Variants in PTPRO observed in about 807,000 individuals in gnomAD.
The protein encoded by PTPRO is receptor-type tyrosine-protein phosphatase O.
PTPRO carries 62 observed loss-of-function variants against 145.2 expected under a neutral mutation model. The observed-to-expected ratio is 0.43, with a 90% CI of 0.35 to 0.53. The LOEUF (loss-of-function observed/expected upper bound fraction) is 0.53, where lower values mean the gene tolerates loss of function less well. PTPRO is among the 20% of genes least tolerant of loss of function. The probability of loss-of-function intolerance (pLI) is 0.01; values close to 1 mark genes in which losing one functional copy is unlikely to be tolerated. For missense variants in PTPRO, 1,345 were observed against 1,482.7 expected, an observed-to-expected ratio of 0.91 and a Z score of 1.53; for synonymous variants, 565 against 514.7, an observed-to-expected ratio of 1.10 and a Z score of -1.32.
chr12:15,363,422 T>C (rs1272622260), intron 1 of PTPRO, among the ~76,000 whole-genome samples: 2 of 152,116 alleles, frequency 1.3e-5, no homozygotes, highest in African/African-American at 4.8e-5. Flanking sequence ...ATAATGAATA[T>C]GTTGGGTGAC....
chr12:15,379,530 CAAAAAAAAAA>C (rs1211403772), intron 1 of PTPRO, among the ~76,000 whole-genome samples: 2 of 49,464 alleles, frequency 4.0e-5, no homozygotes, highest in East Asian at 8.0e-4. Flanking sequence ...AGCTCCATCT[CAAAAAAAAAA>C]AAAAAAAAAA....
intron 1 of PTPRO, among the ~76,000 whole-genome samples, chr12:15,479,338 TG>T (rs1941729323): frequency 1.3e-5 from 2 of 152,110 alleles, no homozygotes; most frequent in South Asian, 4.1e-4. Flanking sequence ...AGGGGAGAAT[TG>T]ATAGCACCTC....
At chr12:15,474,423 T>G (rs1266886877) in intron 1 of PTPRO, among the ~76,000 whole-genome samples, 1 of 152,166 alleles carries the variant, frequency 6.6e-6, no homozygotes, top group Non-Finnish European at 1.5e-5. Flanking sequence ...CAGACCCCTT[T>G]TGCTGCCTCG....
chr12:15,400,770 T>C (rs1939471453), intron 1 of PTPRO, among the ~76,000 whole-genome samples: 1 of 152,206 alleles, frequency 6.6e-6, no homozygotes, highest in Non-Finnish European at 1.5e-5. Flanking sequence ...ATGAACAAAA[T>C]ATACCAAAAC....
At chr12:15,328,255 C>A (rs1866503296) in intron 1 of PTPRO, among the ~76,000 whole-genome samples, 1 of 151,522 alleles carries the variant, frequency 6.6e-6, no homozygotes, top group African/African-American at 2.4e-5. Context: ...ATTTTTTTTC[C>A]TCTGCACATT....
At chr12:15,481,015 G>C (rs974885989) in intron 1 of PTPRO, among the ~76,000 whole-genome samples, 5 of 152,312 alleles carry the variant, frequency 3.3e-5, no homozygotes, top group Middle Eastern at 6.8e-3. Context: ...AGCAGAACTT[G>C]CAGAAGCATA....
intron 7 of PTPRO, among the ~76,000 whole-genome samples, chr12:15,512,544 A>T (rs7299646): frequency 6.6e-6 from 1 of 152,066 alleles, no homozygotes; most frequent in African/African-American, 2.4e-5. Flanking sequence ...GAACAAACAA[A>T]ACTTCCAATT....
intron 16 of PTPRO, among the ~76,000 whole-genome samples, chr12:15,559,395 C>G (rs947684213): frequency 6.6e-6 from 1 of 152,150 alleles, no homozygotes; most frequent in African/African-American, 2.4e-5. Context: ...CTCAGAATAA[C>G]TATAGATGCA....
rs1195681456 is a variant in PTPRO at position 15,590,367 on chromosome 12, G to C, written c.3546+777G>C. Among the ~76,000 whole-genome samples, 7 of 152,286 alleles carry C rather than the reference G, an allele frequency of 4.6e-5. 1 individual carries two copies. The East Asian group carries it at 1.3e-3, about 29-fold the overall frequency. ...GCTTGTTCATAAGCCTCATCACCCA[G>C]CCATACTCGCGACTTCTTAGCTTCG... On this transcript the variant is annotated intron_variant, in intron 25 of 26. Coordinates refer to ENST00000281171, the MANE Select transcript of PTPRO (RefSeq NM_030667.3).
chr12:15,433,760 C>A (rs1298918379), intron 1 of PTPRO, among the ~76,000 whole-genome samples: 1 of 152,060 alleles, frequency 6.6e-6, no homozygotes, highest in Non-Finnish European at 1.5e-5. Flanking sequence ...GTTATTGTAG[C>A]CTGCAGTATA....
intron 12 of PTPRO, among the ~76,000 whole-genome samples, chr12:15,530,963 A>G (rs970284153): frequency 1.3e-5 from 2 of 152,156 alleles, no homozygotes; most frequent in African/African-American, 4.8e-5. Flanking sequence ...GATAAAATCA[A>G]CAAACCTTTA....
intron 17 of PTPRO, among the ~76,000 whole-genome samples, chr12:15,561,389 C>A (rs1943769032): frequency 6.6e-6 from 1 of 151,940 alleles, no homozygotes; most frequent in South Asian, 2.1e-4. Context: ...TCAAGTTGCA[C>A]TGGAAGGAAC....
Position 15,470,811 on chromosome 12 carries a change from A to T in PTPRO, c.76-13163A>T, listed in dbSNP as rs61908048. Among the ~76,000 whole-genome samples the T allele has an allele frequency of 1.4e-3, 220 of 152,340 alleles. 1 individual carries two copies. Among genetic ancestry groups the T allele is most frequent in the Middle Eastern group, 3.4e-3 (1 of 294 alleles). ...TGATCTAGAAACTGAAGGACAAAAGATGAGTAATGGTCAAGGAAATGGCAG... is the reference window on the plus strand; with the variant it reads ...TGATCTAGAAACTGAAGGACAAAAGTTGAGTAATGGTCAAGGAAATGGCAG... On this transcript the variant is annotated intron_variant, in intron 1 of 26. Transcript: ENST00000281171.
chr12:15,593,938 T>C (rs1944604524), intron 25 of PTPRO, among the ~76,000 whole-genome samples: 2 of 152,266 alleles, frequency 1.3e-5, no homozygotes, highest in South Asian at 2.1e-4. Context: ...TCAAAAATCA[T>C]TTAATAAACA....
chr12:15,438,345 C>T (rs993518611), intron 1 of PTPRO, among the ~76,000 whole-genome samples: 10 of 152,040 alleles, frequency 6.6e-5, no homozygotes, highest in Non-Finnish European at 4.4e-5. Flanking sequence ...GCTACCTCTC[C>T]AGCAATGGTC....
At chr12:15,591,477 C>A (rs1030565100) in intron 25 of PTPRO, among the ~76,000 whole-genome samples, 12 of 152,154 alleles carry the variant, frequency 7.9e-5, no homozygotes, top group African/African-American at 2.2e-4. Context: ...TCCTCCATCC[C>A]ATTTTTAGGG....
chr12:15,571,033 G>A (rs1462697024), intron 19 of PTPRO, among the ~76,000 whole-genome samples: 1 of 152,160 alleles, frequency 6.6e-6, no homozygotes, highest in Non-Finnish European at 1.5e-5. Flanking sequence ...AGGAAAGGGG[G>A]TTTATTCAAA....
Position 15,484,106 on chromosome 12 carries a change from G to C in PTPRO, c.208G>C (p.Glu70Gln). ...TGGTGAATCCAAAAATTATTTCTTCGAATTTGAGGAATTCAACAGCACTTT... is the reference window on the plus strand; with the variant it reads ...TGGTGAATCCAAAAATTATTTCTTCCAATTTGAGGAATTCAACAGCACTTT... ...ITGESKNYFF[E>Q]FEEFNSTLPP... Residue 70 changes from glutamate (E) to glutamine (Q), a missense_variant, in exon 2 of 27, where the codon GAA (glutamate) becomes CAA (glutamine). Glu to Gln is a conservative substitution (Grantham distance 29). Around this residue, in one of 3 missense-constraint regions of PTPRO, gnomAD observed 1,130 missense variants for 1,214.7 expected, o/e 0.93. Transcript: ENST00000281171. The C allele has an allele frequency of 1.2e-6, 2 of 1,613,670 alleles. No individual in the cohort carries two copies. Among genetic ancestry groups the C allele is most frequent in the Non-Finnish European group, 8.5e-7 (1 of 1,179,792 alleles).
chr12:15,586,748 AGATATG>A (rs1944437587), intron 23 of PTPRO, 143 bp from the exon 24 acceptor site: 2 of 781,828 alleles, frequency 2.6e-6, no homozygotes, highest in Non-Finnish European at 4.2e-6. Context: ...ATTTTATGCC[AGATATG>A]GTGCTCAAAG....
Sources: gnomAD v4.1 joint callset for allele counts (sites outside exome capture counted in the v4.1 genomes callset) on GRCh38, gnomAD v4.1.1 for gene constraint, gnomAD v4.1.1 regional missense constraint, MANE v1.5 for transcripts, NCBI Gene and HGNC (gene_info 2026-07-23, HGNC 2026-07-21) for gene names.